The following SERP2 variants were observed in gnomAD, a reference collection of about 807,000 sequenced individuals.
SERP2 encodes stress-associated endoplasmic reticulum protein 2.
A neutral mutation model predicts 9.1 loss-of-function variants in SERP2; 6 were observed. The observed-to-expected ratio is 0.66, with a 90% CI of 0.36 to 1.30. The LOEUF (loss-of-function observed/expected upper bound fraction) is 1.30, where lower values mean the gene tolerates loss of function less well. Among genes scored for constraint, SERP2 ranks in the 50% most tolerant of loss-of-function variants. SERP2 has a pLI of 0.03. For missense variants in SERP2, 58 were observed against 81.9 expected (o/e 0.71, Z 1.13); for synonymous variants, 37 against 27.3 (o/e 1.35, Z -1.10).
At chr13:44,378,783 C>T (rs1266096127) in intron 1 of SERP2, among the ~76,000 whole-genome samples, 2 of 152,110 alleles carry the variant, frequency 1.3e-5, no homozygotes, top group Non-Finnish European at 2.9e-5. Context: ...GCCCTACCTG[C>T]ACATAGACCT....
chr13:44,397,640 G>T lies in SERP2; in HGVS notation c.*328G>T. ...GCATGTGGCCCTCTGAACGATCACTGGTTTACTTTCTATGGATACAATCTC... is the reference window on the plus strand; with the variant it reads ...GCATGTGGCCCTCTGAACGATCACTTGTTTACTTTCTATGGATACAATCTC... On this transcript the variant is annotated 3_prime_UTR_variant, in exon 3 of 3. Transcript: ENST00000379179. 1 of 381,446 alleles carries T rather than the reference G, an allele frequency of 2.6e-6. No individual in the cohort carries two copies. The highest frequency in any genetic ancestry group is 4.8e-6 in the Non-Finnish European group (1 of 206,826). 23.6% of individuals were successfully genotyped at this position (381,446 alleles called of 1,614,324 possible). A position where few individuals can be genotyped will look rare whatever the true frequency, so the allele number is the denominator to read the frequency against.
intron 2 of SERP2, among the ~76,000 whole-genome samples, chr13:44,380,896 G>T (rs1013382224): frequency 1.3e-5 from 2 of 152,170 alleles, no homozygotes; most frequent in African/African-American, 4.8e-5. Context: ...CTTCTCAGTT[G>T]TTCAGATTTG....
chr13:44,378,527 A>G (rs545287550), intron 1 of SERP2, among the ~76,000 whole-genome samples: 32 of 152,370 alleles, frequency 2.1e-4, no homozygotes, highest in African/African-American at 7.2e-4. Context: ...TTATGAGATC[A>G]ACCACAAATC....
upstream of SERP2, chr13:44,373,785 G>A: frequency 2.1e-6 from 1 of 465,880 alleles, no homozygotes; most frequent in Non-Finnish European, 3.8e-6. The surrounding 1 kb of genome is among the most constrained non-coding windows in gnomAD (Gnocchi z 4.8). Context: ...CCGGAAGGAT[G>A]GCGAGGAAGT....
intron 2 of SERP2, among the ~76,000 whole-genome samples, chr13:44,384,411 G>C (rs1039381178): frequency 2.0e-5 from 3 of 152,132 alleles, no homozygotes; most frequent in Non-Finnish European, 2.9e-5. Flanking sequence ...CTTTGCTTTA[G>C]GTAATTAGCT....
At chr13:44,389,284 A>G (rs1872502238) in intron 2 of SERP2, among the ~76,000 whole-genome samples, 1 of 152,062 alleles carries the variant, frequency 6.6e-6, no homozygotes, top group Admixed American at 6.6e-5. Context: ...GAAACCACCT[A>G]CTAGCTATGT....
At chr13:44,381,238 C>CA (rs58535681) in intron 2 of SERP2, among the ~76,000 whole-genome samples, 1,437 of 45,452 alleles carry the variant, frequency 0.032, 34 homozygotes, top group African/African-American at 0.05. Context: ...AACTCCGTCT[C>CA]AAAAAAAAAA....
At chr13:44,377,071 T>C (rs1379012937) in intron 1 of SERP2, among the ~76,000 whole-genome samples, 2 of 152,276 alleles carry the variant, frequency 1.3e-5, no homozygotes, top group Non-Finnish European at 2.9e-5. Context: ...TTCTAAAAAG[T>C]AGTCACCCAA....
rs375477650 is a variant in SERP2 at position 44,394,585 on chromosome 13, T to C, written c.158-2687T>C. Among the ~76,000 whole-genome samples the C allele has an allele frequency of 1.1e-4, 17 of 152,356 alleles. 1 individual carries two copies. The highest frequency in any genetic ancestry group is 4.1e-4 in the African/African-American group (17 of 41,562). ...TATTTGTTGACTTACATCCTGCTGA[T>C]AAGTTTTTGTCTAAGGGCAAGAGTA... On this transcript the variant is annotated intron_variant, in intron 2 of 2. Transcript: ENST00000379179.
chr13:44,373,773 G>C (rs1362801623), upstream of SERP2: 1 of 450,268 alleles, frequency 2.2e-6, no homozygotes, highest in African/African-American at 2.1e-5. The surrounding 1 kb of genome is among the most constrained non-coding windows in gnomAD (Gnocchi z 4.8). Flanking sequence ...TGGCTGCGGG[G>C]ACCGGAAGGA....
At chr13:44,385,416 G>A (rs953977035) in intron 2 of SERP2, among the ~76,000 whole-genome samples, 5 of 152,174 alleles carry the variant, frequency 3.3e-5, no homozygotes, top group South Asian at 2.1e-4. Context: ...CAGACCTCCC[G>A]GGGCTGCCCC....
intron 2 of SERP2, among the ~76,000 whole-genome samples, chr13:44,382,184 A>T (rs866609928): frequency 1.3e-5 from 2 of 152,010 alleles, no homozygotes; most frequent in African/African-American, 4.8e-5. Flanking sequence ...CACGCCTGTA[A>T]TCCCAGCATT....
intron 2 of SERP2, among the ~76,000 whole-genome samples, chr13:44,393,355 A>AT (rs1872893612): frequency 6.6e-6 from 1 of 152,144 alleles, no homozygotes; most frequent in Non-Finnish European, 1.5e-5. Context: ...CTAGCATGTT[A>AT]AAGCCTAAAG....
At chr13:44,387,571 T>C (rs139779148) in intron 2 of SERP2, among the ~76,000 whole-genome samples, 263 of 152,310 alleles carry the variant, frequency 1.7e-3, no homozygotes, top group African/African-American at 6.2e-3. Flanking sequence ...TTTGGATAAT[T>C]TTATTTAGAG....
Position 44,397,481 on chromosome 13 carries a change from A to C in SERP2, c.*169A>C. On this transcript the variant is annotated 3_prime_UTR_variant, in exon 3 of 3. Transcript: ENST00000379179. ...GGATGTCAGACCAAATTGCCTTCTC[A>C]CAGGACATCTTGGTGCATCCGCGTT... is the stretch of plus-strand genomic sequence containing the variant. 1 of 626,930 alleles carries C rather than the reference A, an allele frequency of 1.6e-6. No individual in the cohort carries two copies. The allele number at this position is 626,930 out of a possible 1,614,324, so 38.8% of individuals were successfully genotyped here. A position where few individuals can be genotyped will look rare whatever the true frequency, so the allele number is the denominator to read the frequency against.
At chr13:44,379,815 G>C (rs2138780683) in intron 2 of SERP2, 102 bp downstream of exon 2, 2 of 757,656 alleles carry the variant, frequency 2.6e-6, no homozygotes, top group Non-Finnish European at 4.4e-6. Flanking sequence ...TACTGGTATG[G>C]GATTCAAGTT....
intron 2 of SERP2, among the ~76,000 whole-genome samples, chr13:44,388,881 A>G (rs1872478190): frequency 6.6e-6 from 1 of 152,192 alleles, no homozygotes; most frequent in South Asian, 2.1e-4. Context: ...GCCACACCCA[A>G]ACTTTCCCCA....
chr13:44,393,078 G>T (rs1045738078), intron 2 of SERP2, among the ~76,000 whole-genome samples: 1 of 152,044 alleles, frequency 6.6e-6, no homozygotes, highest in African/African-American at 2.4e-5. Context: ...TGAGCAGGGG[G>T]TAAGGCAAAA....
intron 2 of SERP2, chr13:44,390,345 C>A (rs1872571339): frequency 2.3e-6 from 1 of 428,660 alleles, no homozygotes; most frequent in East Asian, 7.9e-5. Context: ...CTTGAATTCG[C>A]CATATTTGCA....
Sources: allele counts gnomAD v4.1 joint callset (sites outside exome capture counted in the v4.1 genomes callset), GRCh38; gene constraint gnomAD v4.1.1; non-coding constraint Gnocchi (gnomAD v3.1); transcripts MANE v1.5; gene names NCBI Gene and HGNC (gene_info 2026-07-23, HGNC 2026-07-21).